SMAD6: variants seen among roughly 807,000 people sequenced by gnomAD.
SMAD6 encodes the protein SMAD family member 6.
A neutral mutation model predicts 39.4 loss-of-function variants in SMAD6; 103 were observed. The observed-to-expected ratio is 2.62, with a 90% CI of 2.23 to 3.08. The LOEUF (loss-of-function observed/expected upper bound fraction) is 3.08, where lower values mean the gene tolerates loss of function less well. Among genes scored for constraint, SMAD6 ranks in the 30% most tolerant of loss-of-function variants. SMAD6 has a pLI of 0.00. For synonymous variants in SMAD6, 445 were observed against 353.3 expected (o/e 1.26, Z -2.91); for missense variants, 1,104 against 742.9 (o/e 1.49, Z -5.65).
intron 3 of SMAD6, among the ~76,000 whole-genome samples, chr15:66,730,075 GC>G (rs1893599658): frequency 6.6e-6 from 1 of 152,228 alleles, no homozygotes. Context: ...TTGCCCAGAT[GC>G]GGGGACACAT....
chr15:66,733,037 T>C (rs578017661), intron 3 of SMAD6, among the ~76,000 whole-genome samples: 165 of 152,224 alleles, frequency 1.1e-3, no homozygotes, highest in Non-Finnish European at 1.8e-3. Context: ...ATATAGAGGT[T>C]GTTCTATTAT....
intron 1 of SMAD6, chr15:66,704,534 A>C (rs4776823): frequency 0.14 from 21,290 of 155,560 alleles, 1,544 homozygotes; most frequent in South Asian, 0.15. Context: ...AAGTTGTGAA[A>C]TTGGGTGTAC....
At chr15:66,741,786 C>G (rs888028235) in intron 3 of SMAD6, among the ~76,000 whole-genome samples, 1 of 152,230 alleles carries the variant, frequency 6.6e-6, no homozygotes, top group African/African-American at 2.4e-5. Context: ...TCACCACTCC[C>G]TCACTCAAAT....
intron 3 of SMAD6, among the ~76,000 whole-genome samples, chr15:66,776,534 G>A (rs534527103): frequency 6.6e-6 from 1 of 152,198 alleles, no homozygotes; most frequent in African/African-American, 2.4e-5. Flanking sequence ...GAAACCTTTT[G>A]GACCATGTGG....
At chr15:66,751,081 C>T (rs867437465) in intron 3 of SMAD6, among the ~76,000 whole-genome samples, 4 of 152,188 alleles carry the variant, frequency 2.6e-5, no homozygotes, top group Admixed American at 6.5e-5. Context: ...GCCCAGCAAG[C>T]CCCTGCCTTT....
At chr15:66,768,619 A>G (rs532606800) in intron 3 of SMAD6, among the ~76,000 whole-genome samples, 1 of 152,302 alleles carries the variant, frequency 6.6e-6, no homozygotes, top group East Asian at 1.9e-4. Flanking sequence ...TCTGTTAACC[A>G]GGCTGCATCA....
intron 3 of SMAD6, among the ~76,000 whole-genome samples, chr15:66,752,066 G>A (rs1894017210): frequency 7.7e-6 from 1 of 129,214 alleles, no homozygotes; most frequent in South Asian, 2.4e-4. Context: ...TTTTCAGGCA[G>A]TTAATAATCC....
In SMAD6 at chr15:66,780,995, A is replaced by C. The variant is rs1016515449; in HGVS notation, c.953-2A>C. 2 of 1,562,158 alleles carry C rather than the reference A, an allele frequency of 1.3e-6. No homozygotes were observed. Among genetic ancestry groups the C allele is most frequent in the South Asian group, 1.2e-5 (1 of 86,844 alleles). On this transcript the variant is annotated splice_acceptor_variant, in intron 3 of 3. Transcript: ENST00000288840. LOFTEE classifies it high-confidence loss of function. ...GCGGCGGTCCCTGTGCTTGTCCCGC[A>C]GACGCCAGCATGTCTCCGGACGCCA...
intron 2 of SMAD6, among the ~76,000 whole-genome samples, chr15:66,715,333 G>A (rs1211905168): frequency 6.6e-6 from 1 of 150,784 alleles, no homozygotes; most frequent in Non-Finnish European, 1.5e-5. Flanking sequence ...TTATCTTCCT[G>A]CTCCCCAAGC....
At chr15:66,754,966 T>A (rs1894071798) in intron 3 of SMAD6, among the ~76,000 whole-genome samples, 1 of 152,160 alleles carries the variant, frequency 6.6e-6, no homozygotes, top group African/African-American at 2.4e-5. Context: ...TTTATTCTTA[T>A]CTGTAATCCC....
intron 3 of SMAD6, among the ~76,000 whole-genome samples, chr15:66,729,973 C>T (rs1332095735): frequency 1.3e-5 from 2 of 151,952 alleles, no homozygotes; most frequent in African/African-American, 2.4e-5. Context: ...AGAAAACACT[C>T]GCCAGACAAA....
chr15:66,757,618 T>C (rs1194883939), intron 3 of SMAD6, among the ~76,000 whole-genome samples: 1 of 152,120 alleles, frequency 6.6e-6, no homozygotes, highest in African/African-American at 2.4e-5. Flanking sequence ...CACAGTCTCT[T>C]GGAGGTCCTG....
chr15:66,711,593 G>A, intron 1 of SMAD6, 75 bp from the exon 2 acceptor site: 1 of 1,129,802 alleles, frequency 8.9e-7, no homozygotes, highest in Non-Finnish European at 1.4e-6. Context: ...TGGGAAACCA[G>A]TAATTAAAAG....
At chr15:66,731,736 C>T (rs1188986495) in intron 3 of SMAD6, among the ~76,000 whole-genome samples, 3 of 152,084 alleles carry the variant, frequency 2.0e-5, no homozygotes, top group Admixed American at 6.5e-5. Context: ...CTTGAGTAAA[C>T]GCCTAGGAGT....
chr15:66,750,536 A>G (rs189536456), intron 3 of SMAD6, among the ~76,000 whole-genome samples: 2 of 152,300 alleles, frequency 1.3e-5, no homozygotes. Flanking sequence ...AGGGACTTGG[A>G]CTTGGCTATG....
chr15:66,736,137 G>A lies in SMAD6; in HGVS notation c.952+19639G>A, dbSNP rs965557558. ...CTTCTTCCATCTCGGTGATTTCACCGATACCAATGGGGAAATTAAACTCAG... is the reference window on the plus strand; with the variant it reads ...CTTCTTCCATCTCGGTGATTTCACCAATACCAATGGGGAAATTAAACTCAG... On this transcript the variant is annotated intron_variant, in intron 3 of 3. Coordinates refer to ENST00000288840, the MANE Select transcript of SMAD6 (RefSeq NM_005585.5). 5.3e-5 allele frequency among the ~76,000 whole-genome samples: 8 copies of A among 152,192 alleles called. No individual in the cohort carries two copies. The East Asian group carries it at 1.4e-3, about 26-fold the overall frequency.
chr15:66,744,542 C>A (rs1018366574), intron 3 of SMAD6, among the ~76,000 whole-genome samples: 5 of 152,236 alleles, frequency 3.3e-5, no homozygotes, highest in African/African-American at 9.6e-5. Context: ...ACTAGACGTG[C>A]AGTGAATATT....
chr15:66,770,690 G>T (rs896289101), intron 3 of SMAD6, among the ~76,000 whole-genome samples: 6 of 152,182 alleles, frequency 3.9e-5, no homozygotes, highest in Non-Finnish European at 8.8e-5. Context: ...TTCTCAAAAC[G>T]TGGGCTGATT....
chr15:66,753,922 G>C (rs1291174785), intron 3 of SMAD6, among the ~76,000 whole-genome samples: 4 of 152,172 alleles, frequency 2.6e-5, no homozygotes, highest in Non-Finnish European at 5.9e-5. Context: ...AGGCCCCAAG[G>C]GGCAGTGTGC....
Sources: allele counts gnomAD v4.1 joint callset (sites outside exome capture counted in the v4.1 genomes callset), GRCh38; gene constraint gnomAD v4.1.1; transcripts MANE v1.5; gene names NCBI Gene and HGNC (gene_info 2026-07-23, HGNC 2026-07-21).